MEF2A: variants seen among roughly 807,000 people sequenced by gnomAD.
MEF2A encodes the protein myocyte-specific enhancer factor 2A.
A neutral mutation model predicts 55.8 loss-of-function variants in MEF2A; 28 were observed. The observed-to-expected ratio is 0.50, with a 90% CI of 0.37 to 0.69. The LOEUF is 0.69. Among genes scored for constraint, MEF2A ranks in the 30% least tolerant of loss-of-function variants. MEF2A has a pLI of 0.00. For missense variants in MEF2A, 528 were observed against 626.2 expected, an observed-to-expected ratio of 0.84 and a Z score of 1.67; for synonymous variants, 239 against 227.1, an observed-to-expected ratio of 1.05 and a Z score of -0.47.
chr15:99,689,586 TTCTCCTG>T (rs972759964), intron 7 of MEF2A, among the ~76,000 whole-genome samples: 2 of 152,172 alleles, frequency 1.3e-5, no homozygotes, highest in African/African-American at 4.8e-5. Context: ...GTTCAAGTGA[TTCTCCTG>T]CCTCAGCCTC....
chr15:99,565,505 G>A (rs1397786665), upstream of MEF2A: 1 of 150,588 alleles, frequency 6.6e-6, no homozygotes, highest in Non-Finnish European at 1.5e-5. Context: ...GCGGCGGAGC[G>A]GGGGCGGCAG....
intron 2 of MEF2A, among the ~76,000 whole-genome samples, chr15:99,628,054 G>A (rs2042321990): frequency 6.6e-6 from 1 of 152,162 alleles, no homozygotes; most frequent in Admixed American, 6.5e-5. Context: ...TAAATTTCTG[G>A]TTATGGTTTT....
chr15:99,644,022 CTTG>C (rs2045513155), intron 3 of MEF2A, among the ~76,000 whole-genome samples: 2 of 152,124 alleles, frequency 1.3e-5, no homozygotes, highest in Admixed American at 1.3e-4. Flanking sequence ...GTTAAATTTT[CTTG>C]TTAAATGAAT....
At chr15:99,676,535 C>T (rs2052079613) in intron 7 of MEF2A, among the ~76,000 whole-genome samples, 1 of 151,232 alleles carries the variant, frequency 6.6e-6, no homozygotes, top group Non-Finnish European at 1.5e-5. Flanking sequence ...ATAAACAGTT[C>T]TTCTCAGTAG....
intron 3 of MEF2A, among the ~76,000 whole-genome samples, chr15:99,638,753 A>C (rs2044345428): frequency 6.6e-6 from 1 of 152,132 alleles, no homozygotes; most frequent in Admixed American, 6.5e-5. Flanking sequence ...GAATAGCTAT[A>C]TCTGGATTAC....
At chr15:99,699,152 A>G (rs1054471416) in intron 8 of MEF2A, among the ~76,000 whole-genome samples, 4 of 152,198 alleles carry the variant, frequency 2.6e-5, no homozygotes, top group East Asian at 1.9e-4. Context: ...CTTATAAGAA[A>G]CCCGTATCTT....
chr15:99,686,352 AT>A (rs766732458), intron 7 of MEF2A, among the ~76,000 whole-genome samples: 3 of 150,854 alleles, frequency 2.0e-5, no homozygotes, highest in Non-Finnish European at 4.4e-5. Context: ...AGGAGGGTGT[AT>A]TTTCAGGTTT....
intron 2 of MEF2A, among the ~76,000 whole-genome samples, chr15:99,629,827 C>T (rs2042656156): frequency 6.6e-6 from 1 of 152,082 alleles, no homozygotes; most frequent in Non-Finnish European, 1.5e-5. Context: ...GTAGCCCCAG[C>T]TACTTGGGAG....
intron 1 of MEF2A, among the ~76,000 whole-genome samples, chr15:99,589,429 C>A (rs912037478): frequency 6.6e-6 from 1 of 151,856 alleles, no homozygotes; most frequent in African/African-American, 2.4e-5. Context: ...TTTTCTTGAC[C>A]AGCCTAACTA....
intron 10 of MEF2A, among the ~76,000 whole-genome samples, chr15:99,710,277 T>C (rs2058487374): frequency 6.6e-6 from 1 of 152,206 alleles, no homozygotes; most frequent in Non-Finnish European, 1.5e-5. Flanking sequence ...GGAAGTCTGT[T>C]GCCCAGGCTG....
intron 7 of MEF2A, among the ~76,000 whole-genome samples, chr15:99,683,069 C>T (rs1597124991): frequency 2.0e-5 from 3 of 152,266 alleles, no homozygotes; most frequent in South Asian, 2.1e-4. Context: ...TCTGGCTTAG[C>T]GGTTACCTCT....
intron 7 of MEF2A, among the ~76,000 whole-genome samples, chr15:99,682,533 TAAG>T (rs2153683708): frequency 6.6e-6 from 1 of 152,256 alleles, no homozygotes; most frequent in East Asian, 1.9e-4. Context: ...GAGCTGGAGG[TAAG>T]AAGGTACATA....
intron 4 of MEF2A, among the ~76,000 whole-genome samples, chr15:99,648,422 A>G (rs530695749): frequency 6.6e-6 from 1 of 152,262 alleles, no homozygotes; most frequent in South Asian, 2.1e-4. Flanking sequence ...AGAACTTTGA[A>G]CAAGTTGGTG....
rs150874882 is a variant in MEF2A at position 99,673,668 on chromosome 15, A to T, written c.391-725A>T. On this transcript the variant is annotated intron_variant, in intron 5 of 11. Coordinates refer to ENST00000557942, the MANE Select transcript of MEF2A (RefSeq NM_001319206.4). Reference sequence around the variant, plus strand: ...AAATAGAAAATAGAAAAAAGGGGATATGGAATAATTTGGAGGGAGGGAAGG... The same window carrying T: ...AAATAGAAAATAGAAAAAAGGGGATTTGGAATAATTTGGAGGGAGGGAAGG... Among the ~76,000 whole-genome samples the T allele has an allele frequency of 5.9e-5, 9 of 152,286 alleles. No homozygotes were observed. In the East Asian group the frequency reaches 1.2e-3, roughly 20 times the overall value.
chr15:99,626,343 G>T (rs187842033), intron 2 of MEF2A, among the ~76,000 whole-genome samples: 1 of 151,952 alleles, frequency 6.6e-6, no homozygotes, highest in African/African-American at 2.4e-5. Context: ...TAGTAATTTT[G>T]AGTCTTCTCT....
intron 8 of MEF2A, among the ~76,000 whole-genome samples, chr15:99,699,966 G>T (rs113176565): frequency 3.2e-4 from 31 of 95,406 alleles, no homozygotes; most frequent in African/African-American, 9.2e-4. Flanking sequence ...GTGTGTGTGT[G>T]TGTGTGTGTG....
chr15:99,607,605 A>G (rs1975618456), intron 2 of MEF2A, among the ~76,000 whole-genome samples: 1 of 152,174 alleles, frequency 6.6e-6, no homozygotes, highest in Non-Finnish European at 1.5e-5. Context: ...ACATCCTGAG[A>G]AGTATTTGAG....
intron 10 of MEF2A, among the ~76,000 whole-genome samples, chr15:99,709,874 T>C (rs1329800246): frequency 1.3e-5 from 2 of 152,224 alleles, no homozygotes; most frequent in African/African-American, 2.4e-5. Flanking sequence ...TGCGACAGTC[T>C]AGGTACTTTA....
At chr15:99,602,348 C>G (rs1219724785) in intron 2 of MEF2A, among the ~76,000 whole-genome samples, 1 of 152,024 alleles carries the variant, frequency 6.6e-6, no homozygotes, top group Non-Finnish European at 1.5e-5. Context: ...GGGAGGGGAG[C>G]CTGTGCAGTG....
Sources: gnomAD v4.1 joint callset for allele counts (sites outside exome capture counted in the v4.1 genomes callset) on GRCh38, gnomAD v4.1.1 for gene constraint, MANE v1.5 for transcripts, NCBI Gene and HGNC (gene_info 2026-07-23, HGNC 2026-07-21) for gene names.